The following TANC2 variants were observed in gnomAD, a reference collection of about 807,000 sequenced individuals.
The protein encoded by TANC2 is tetratricopeptide repeat, ankyrin repeat and coiled-coil containing 2.
In TANC2, 26 loss-of-function variants were observed where a neutral mutation model predicts 210.5. The ratio of observed to expected loss-of-function variants is 0.12; its 90% CI spans 0.09 to 0.17. The LOEUF is 0.17. Among genes scored for constraint, TANC2 ranks in the 10% least tolerant of loss-of-function variants. The pLI is 1.00. For synonymous variants in TANC2, 931 were observed against 967.1 expected (o/e 0.96, Z 0.69); for missense variants, 2,129 against 2,608.9 (o/e 0.82, Z 4.01).
intron 3 of TANC2, chr17:63,089,114 G>A (rs916280720): frequency 2.6e-5 from 4 of 152,148 alleles, no homozygotes; most frequent in Admixed American, 2.6e-4. Flanking sequence ...TTCTAGTCAG[G>A]GCATTAAAGC....
chr17:62,989,324 G>A (rs1011280327), intron 1 of TANC2, among the ~76,000 whole-genome samples: 3 of 152,314 alleles, frequency 2.0e-5, no homozygotes, highest in Admixed American at 2.0e-4. Flanking sequence ...ATTTGAGGCG[G>A]CATTGCCATC....
intron 17 of TANC2, among the ~76,000 whole-genome samples, chr17:63,394,335 T>G (rs996022908): frequency 6.6e-6 from 1 of 152,226 alleles, no homozygotes; most frequent in African/African-American, 2.4e-5. Context: ...AACTGATTCC[T>G]GTGTCCTTTC....
intron 11 of TANC2, chr17:63,334,117 C>T (rs1286981817): frequency 6.6e-6 from 1 of 152,200 alleles, no homozygotes; most frequent in African/African-American, 2.4e-5. Context: ...TTTCTTAGCT[C>T]TGTTCAGTGA....
At chr17:63,237,361 T>G (rs1293724211) in intron 7 of TANC2, among the ~76,000 whole-genome samples, 1 of 152,142 alleles carries the variant, frequency 6.6e-6, no homozygotes, top group Non-Finnish European at 1.5e-5. Flanking sequence ...TTGTATATTC[T>G]TAATGTTAGT....
chr17:63,141,967 A>G (rs1314688977), intron 4 of TANC2, among the ~76,000 whole-genome samples: 1 of 152,230 alleles, frequency 6.6e-6, no homozygotes, highest in African/African-American at 2.4e-5. Flanking sequence ...TAATTTTTAA[A>G]ACAAGGCAAA....
intron 2 of TANC2, among the ~76,000 whole-genome samples, chr17:63,060,293 G>A (rs560588192): frequency 6.6e-6 from 1 of 152,354 alleles, no homozygotes; most frequent in East Asian, 1.9e-4. Flanking sequence ...GTCAGATCAT[G>A]TAGTGATTAC....
chr17:63,380,710 T>TA (rs1020328499), intron 15 of TANC2, among the ~76,000 whole-genome samples: 1 of 152,146 alleles, frequency 6.6e-6, no homozygotes, highest in African/African-American at 2.4e-5. Context: ...AGGATATTGT[T>TA]AAAAAATGAA....
exon 26 of TANC2, chr17:63,415,602 G>A: frequency 6.2e-7 from 1 of 1,613,714 alleles, no homozygotes; most frequent in Non-Finnish European, 8.5e-7. Context: ...GGTTTGGTGA[G>A]GACTTGAAAA....
intron 9 of TANC2, among the ~76,000 whole-genome samples, chr17:63,274,214 T>C (rs1424977533): frequency 1.0e-5 from 1 of 100,454 alleles, no homozygotes; most frequent in Non-Finnish European, 1.7e-5. Context: ...TAAAAAGTCC[T>C]TTTTTTTTTT....
intron 5 of TANC2, among the ~76,000 whole-genome samples, chr17:63,190,500 T>A (rs2041148105): frequency 6.6e-6 from 1 of 152,236 alleles, no homozygotes; most frequent in South Asian, 2.1e-4. Flanking sequence ...AACTCTGTTC[T>A]TCTTTTTAAA....
At chr17:63,223,896 T>C (rs1419760993) in intron 7 of TANC2, among the ~76,000 whole-genome samples, 1 of 152,112 alleles carries the variant, frequency 6.6e-6, no homozygotes, top group Non-Finnish European at 1.5e-5. Flanking sequence ...TTATGTTATG[T>C]GTATTTTACC....
chr17:63,381,651 C>A (rs563228628), intron 15 of TANC2, among the ~76,000 whole-genome samples: 2 of 152,102 alleles, frequency 1.3e-5, no homozygotes, highest in Non-Finnish European at 2.9e-5. Flanking sequence ...GTAAATAACC[C>A]GCTTTAAAGA....
At chr17:63,354,435 G>T (rs1187034030) in intron 13 of TANC2, among the ~76,000 whole-genome samples, 2 of 151,992 alleles carry the variant, frequency 1.3e-5, no homozygotes, top group African/African-American at 2.4e-5. Flanking sequence ...CTTGTACTTG[G>T]CATTATGCCC....
intron 19 of TANC2, among the ~76,000 whole-genome samples, chr17:63,401,232 A>G (rs558695173): frequency 1.3e-4 from 20 of 152,194 alleles, no homozygotes; most frequent in Admixed American, 3.9e-4. Context: ...CTGTGACCCA[A>G]AGCTAGTTGG....
chr17:63,187,014 A>G (rs1303203252), intron 5 of TANC2, among the ~76,000 whole-genome samples: 1 of 152,168 alleles, frequency 6.6e-6, no homozygotes, highest in Non-Finnish European at 1.5e-5. Flanking sequence ...TCTTAATTGG[A>G]GTGTATTGTG....
intron 2 of TANC2, among the ~76,000 whole-genome samples, chr17:63,066,798 T>G (rs1480754837): frequency 6.6e-6 from 1 of 151,948 alleles, no homozygotes; most frequent in Non-Finnish European, 1.5e-5. Context: ...GATATAGTCA[T>G]GAAGTACATG....
intron 9 of TANC2, among the ~76,000 whole-genome samples, chr17:63,302,873 C>T (rs532819116): frequency 1.0e-3 from 156 of 152,086 alleles, no homozygotes; most frequent in South Asian, 2.3e-3. Context: ...AAGGGATCCT[C>T]CTGCCTCAGC....
At chr17:63,273,216 G>A (rs911803451) in intron 9 of TANC2, among the ~76,000 whole-genome samples, 3 of 152,082 alleles carry the variant, frequency 2.0e-5, no homozygotes, top group African/African-American at 7.2e-5. Flanking sequence ...AGCCTGTGAG[G>A]CCAAAGCTAC....
chr17:63,336,216 A>G (rs1313874231), intron 11 of TANC2, among the ~76,000 whole-genome samples: 2 of 152,270 alleles, frequency 1.3e-5, no homozygotes, highest in African/African-American at 2.4e-5. Context: ...GAAGACATTC[A>G]CAGAAGGAGT....
Sources: gnomAD v4.1 joint callset for allele counts (sites outside exome capture counted in the v4.1 genomes callset) on GRCh38, gnomAD v4.1.1 for gene constraint, MANE v1.5 for transcripts, NCBI Gene and HGNC (gene_info 2026-07-23, HGNC 2026-07-21) for gene names.